CRACDL: variants seen among roughly 807,000 people sequenced by gnomAD.
CRACDL encodes CRACD-like protein.
Under a neutral mutation model 70.6 loss-of-function variants are expected in CRACDL, and 26 were observed. That is an observed-to-expected ratio of 0.37 (90% confidence interval 0.27 to 0.51). The LOEUF (loss-of-function observed/expected upper bound fraction) is 0.51. Among genes scored for constraint, CRACDL ranks in the 20% least tolerant of loss-of-function variants. CRACDL has a pLI of 0.94. For synonymous variants in CRACDL, 618 were observed against 615.2 expected (o/e 1.00, Z -0.07); for missense variants, 1,283 against 1,376.9 (o/e 0.93, Z 1.08).
At chr2:98,808,282 A>G (rs763754621) in intron 7 of CRACDL, among the ~76,000 whole-genome samples, 1 of 152,130 alleles carries the variant, frequency 6.6e-6, no homozygotes, top group East Asian at 1.9e-4. Flanking sequence ...GTATCTCAAC[A>G]TTGGCCACAC....
At chr2:98,848,835 G>T (rs1706365178) in intron 1 of CRACDL, among the ~76,000 whole-genome samples, 1 of 152,198 alleles carries the variant, frequency 6.6e-6, no homozygotes, top group African/African-American at 2.4e-5. Flanking sequence ...CAATCTGCTT[G>T]CCTTGGCCTC....
At chr2:98,883,956 G>C (rs1400418970) in intron 1 of CRACDL, among the ~76,000 whole-genome samples, 1 of 152,216 alleles carries the variant, frequency 6.6e-6, no homozygotes, top group Non-Finnish European at 1.5e-5. Flanking sequence ...AGACAGACCT[G>C]CTCTGGCTGT....
At chr2:98,899,096 A>G (rs1011508887) in intron 1 of CRACDL, among the ~76,000 whole-genome samples, 1 of 152,124 alleles carries the variant, frequency 6.6e-6, no homozygotes, top group South Asian at 2.1e-4. Context: ...ACAAGCTGAC[A>G]TGTCTGGGAT....
chr2:98,821,868 C>T lies in CRACDL; in HGVS notation c.2405G>A (p.Arg802His), dbSNP rs758111492. The T allele has an allele frequency of 7.5e-6, 12 of 1,607,154 alleles. No homozygotes were observed. The East Asian group carries it at 2.0e-4, about 27-fold the overall frequency. ...CGGCGGGCTCTTACCAGCTCCCCTG[C>T]GCAGCGGCCTTTTCTCCGCCGTCCT... ...EPRTAEKRPL[R>H]RGAEKSLPPA... Residue 802 changes from arginine to histidine, a missense_variant, in exon 7 of 10, where the codon CGC becomes CAC. Physicochemically the swap from Arg to His is conservative, Grantham distance 29. Coordinates refer to ENST00000397899, the MANE Select transcript of CRACDL (RefSeq NM_207362.3).
intron 1 of CRACDL, among the ~76,000 whole-genome samples, chr2:98,924,668 G>GC (rs1326083898): frequency 6.6e-6 from 1 of 151,952 alleles, no homozygotes; most frequent in Non-Finnish European, 1.5e-5. Flanking sequence ...CCCCTAAGGG[G>GC]CCCCCCCAGG....
Position 98,913,422 on chromosome 2 carries a change from A to G in CRACDL, c.-11+22516T>C, listed in dbSNP as rs547988337. On this transcript the variant is annotated intron_variant, in intron 1 of 9. Coordinates refer to ENST00000397899, the MANE Select transcript of CRACDL (RefSeq NM_207362.3). ...GGGCAGGTCCCTGGGCAGAGAGGAC[A>G]CAGGTGTGAGGCCTGTGGTAGGGGA... Among the ~76,000 whole-genome samples the G allele has an allele frequency of 1.1e-4, 17 of 152,302 alleles. No homozygotes were observed. The South Asian group carries it at 3.5e-3, about 32-fold the overall frequency.
chr2:98,927,434 A>AT (rs1433573355), intron 1 of CRACDL, among the ~76,000 whole-genome samples: 2 of 152,080 alleles, frequency 1.3e-5, no homozygotes, highest in East Asian at 3.8e-4. Context: ...AATGAGAGTG[A>AT]ATTCTGAGTA....
intron 1 of CRACDL, among the ~76,000 whole-genome samples, chr2:98,901,891 C>T (rs1203103473): frequency 6.6e-6 from 1 of 152,030 alleles, no homozygotes; most frequent in East Asian, 1.9e-4. Flanking sequence ...AAACACAGCC[C>T]CTCCCCAAGA....
At chr2:98,826,595 G>T (rs1408366530) in intron 6 of CRACDL, among the ~76,000 whole-genome samples, 1 of 152,168 alleles carries the variant, frequency 6.6e-6, no homozygotes, top group African/African-American at 2.4e-5. Flanking sequence ...AGCTCAAGAG[G>T]CAGAAAGGTG....
At chr2:98,799,608 T>C (rs1213537904) in intron 7 of CRACDL, among the ~76,000 whole-genome samples, 2 of 152,204 alleles carry the variant, frequency 1.3e-5, no homozygotes, top group East Asian at 1.9e-4. Flanking sequence ...GGGTCTTCCA[T>C]AGCTTGAAAG....
At chr2:98,886,730 C>T (rs971439847) in intron 1 of CRACDL, among the ~76,000 whole-genome samples, 1 of 152,294 alleles carries the variant, frequency 6.6e-6, no homozygotes, top group African/African-American at 2.4e-5. Context: ...ATAAACCTTA[C>T]AGAATTAGTT....
At chr2:98,915,675 G>T (rs1160035997) in intron 1 of CRACDL, among the ~76,000 whole-genome samples, 1 of 152,124 alleles carries the variant, frequency 6.6e-6, no homozygotes, top group Non-Finnish European at 1.5e-5. Context: ...CCTGCTGGGG[G>T]TGGGGGAAAT....
chr2:98,805,655 CAG>C (rs1704260379), intron 7 of CRACDL, among the ~76,000 whole-genome samples: 1 of 152,204 alleles, frequency 6.6e-6, no homozygotes, highest in Admixed American at 6.5e-5. Context: ...TGACTCCACA[CAG>C]ACTCACTTTG....
chr2:98,819,406 T>C (rs1704929207), intron 7 of CRACDL, among the ~76,000 whole-genome samples: 1 of 152,252 alleles, frequency 6.6e-6, no homozygotes, highest in Non-Finnish European at 1.5e-5. Flanking sequence ...GCTACTTCAA[T>C]GGCTTTTTGA....
intron 1 of CRACDL, among the ~76,000 whole-genome samples, chr2:98,913,297 T>C (rs1708586568): frequency 6.6e-6 from 1 of 152,102 alleles, no homozygotes; most frequent in South Asian, 2.1e-4. Flanking sequence ...GAGTGCTGTC[T>C]AGAGGGAAGC....
intron 7 of CRACDL, among the ~76,000 whole-genome samples, chr2:98,806,097 A>G (rs1457686040): frequency 2.6e-5 from 4 of 152,228 alleles, no homozygotes; most frequent in African/African-American, 7.2e-5. Flanking sequence ...TAGTATATCC[A>G]TCATGGGGTG....
At chr2:98,846,316 G>C (rs559844084) in intron 2 of CRACDL, among the ~76,000 whole-genome samples, 7 of 152,066 alleles carry the variant, frequency 4.6e-5, no homozygotes, top group Non-Finnish European at 1.0e-4. Flanking sequence ...GGGATCAAAG[G>C]CTCTCTCCTG....
At chr2:98,884,783 C>T (rs1014374910) in intron 1 of CRACDL, among the ~76,000 whole-genome samples, 6 of 152,196 alleles carry the variant, frequency 3.9e-5, no homozygotes, top group Non-Finnish European at 5.9e-5. Flanking sequence ...CAGACACCAA[C>T]CTGCCAACGC....
At chr2:98,821,666 C>T (rs1472087565) in intron 7 of CRACDL, among the ~76,000 whole-genome samples, 191 bp downstream of exon 7, 1 of 152,240 alleles carries the variant, frequency 6.6e-6, no homozygotes, top group Non-Finnish European at 1.5e-5. Context: ...TCAAAGCCGC[C>T]CCGGGCCCAG....
Sources: allele counts gnomAD v4.1 joint callset (sites outside exome capture counted in the v4.1 genomes callset), GRCh38; gene constraint gnomAD v4.1.1; transcripts MANE v1.5; gene names NCBI Gene and HGNC (gene_info 2026-07-23, HGNC 2026-07-21).